Variants in PPFIA2 observed in about 807,000 individuals in gnomAD.
PPFIA2 encodes PPFI scaffold protein A2, also known as liprin-alpha-2.
A neutral mutation model predicts 175.5 loss-of-function variants in PPFIA2; 46 were observed. That is an observed-to-expected ratio of 0.26 (90% CI 0.21 to 0.34). PPFIA2 has a LOEUF of 0.34. Among genes scored for constraint, PPFIA2 ranks in the 10% least tolerant of loss-of-function variants. The pLI is 1.00. For synonymous variants in PPFIA2, 568 were observed against 511.4 expected (o/e 1.11, Z -1.49); for missense variants, 1,179 against 1,506.1 (o/e 0.78, Z 3.60).
intron 3 of PPFIA2, among the ~76,000 whole-genome samples, chr12:81,739,214 A>ATGTTTTT (rs2082030313): frequency 6.6e-6 from 1 of 152,054 alleles, no homozygotes; most frequent in Non-Finnish European, 1.5e-5. Context: ...CATTTTTAAA[A>ATGTTTTT]AAACAAATTA....
intron 3 of PPFIA2, among the ~76,000 whole-genome samples, chr12:81,741,374 G>A (rs998833976): frequency 6.6e-6 from 1 of 152,032 alleles, no homozygotes; most frequent in Non-Finnish European, 1.5e-5. Flanking sequence ...TGCTAAACAA[G>A]CATAGAGTAG....
At chr12:81,693,018 G>A (rs188808942) in intron 3 of PPFIA2, among the ~76,000 whole-genome samples, 7 of 152,050 alleles carry the variant, frequency 4.6e-5, no homozygotes, top group Admixed American at 3.9e-4. Flanking sequence ...CACAGTAGAT[G>A]ATTTATACTT....
chr12:81,714,958 G>A (rs2078407150), intron 3 of PPFIA2, among the ~76,000 whole-genome samples: 1 of 150,974 alleles, frequency 6.6e-6, no homozygotes, highest in South Asian at 2.1e-4. Flanking sequence ...AGGAGGTAGT[G>A]GTAGAGGATT....
At chr12:81,427,584 T>A (rs950859538) in intron 7 of PPFIA2, among the ~76,000 whole-genome samples, 2 of 152,010 alleles carry the variant, frequency 1.3e-5, no homozygotes, top group African/African-American at 4.8e-5. Flanking sequence ...ATTTGTTTAT[T>A]CACAAGAAGA....
intron 4 of PPFIA2, among the ~76,000 whole-genome samples, chr12:81,530,869 C>T (rs756435523): frequency 9.5e-4 from 145 of 151,874 alleles, no homozygotes; most frequent in South Asian, 1.0e-3. Flanking sequence ...AGAAGTCAGG[C>T]TCGTGATTGA....
At chr12:81,553,155 G>A (rs187136446) in intron 4 of PPFIA2, among the ~76,000 whole-genome samples, 6 of 151,996 alleles carry the variant, frequency 3.9e-5, no homozygotes, top group East Asian at 1.9e-4. Flanking sequence ...TATCTTAGGC[G>A]AGCTGTAATC....
chr12:81,286,203 A>G (rs923059246), intron 24 of PPFIA2, among the ~76,000 whole-genome samples: 4 of 152,086 alleles, frequency 2.6e-5, no homozygotes, highest in African/African-American at 9.7e-5. Flanking sequence ...TTTTAAAAAG[A>G]GTCAAAAGTT....
At chr12:81,284,416 T>C in intron 24 of PPFIA2, 113 bp from the exon 25 acceptor site, 1 of 763,944 alleles carries the variant, frequency 1.3e-6, no homozygotes, top group Non-Finnish European at 2.3e-6. Context: ...CACAGTGCCC[T>C]TGCCCCTACC....
intron 30 of PPFIA2, among the ~76,000 whole-genome samples, chr12:81,266,555 A>C (rs548469473): frequency 3.3e-4 from 51 of 152,288 alleles, no homozygotes; most frequent in African/African-American, 1.2e-3. Context: ...CCTCATTTTA[A>C]TTTTCTAAAA....
chr12:81,384,616 AT>A, intron 8 of PPFIA2, among the ~76,000 whole-genome samples: 1 of 152,092 alleles, frequency 6.6e-6, no homozygotes, highest in Admixed American at 6.6e-5. Flanking sequence ...ACCATACATT[AT>A]TTTTAATTAA....
chr12:81,589,816 T>C (rs2058465870), intron 4 of PPFIA2, among the ~76,000 whole-genome samples: 1 of 152,124 alleles, frequency 6.6e-6, no homozygotes, highest in South Asian at 2.1e-4. Context: ...TGCATTTTTT[T>C]TAAAAGCTAC....
intron 4 of PPFIA2, among the ~76,000 whole-genome samples, chr12:81,641,980 T>C (rs906791361): frequency 2.0e-5 from 3 of 152,156 alleles, no homozygotes; most frequent in Non-Finnish European, 4.4e-5. Flanking sequence ...CATTCATGTG[T>C]TACTGATTAA....
intron 30 of PPFIA2, among the ~76,000 whole-genome samples, chr12:81,264,305 G>A (rs10778807): frequency 0.69 from 104,800 of 152,016 alleles, 36,583 homozygotes; most frequent in Non-Finnish European, 0.76. Context: ...TTCTCTTTGT[G>A]TACATAAAGT....
At chr12:81,596,787 G>A (rs910148888) in intron 4 of PPFIA2, among the ~76,000 whole-genome samples, 5 of 152,010 alleles carry the variant, frequency 3.3e-5, no homozygotes, top group African/African-American at 1.2e-4. Context: ...TTGAATCACT[G>A]CCACAATAAG....
At chr12:81,461,734 T>C (rs2054570912) in intron 4 of PPFIA2, among the ~76,000 whole-genome samples, 1 of 152,096 alleles carries the variant, frequency 6.6e-6, no homozygotes, top group South Asian at 2.1e-4. Flanking sequence ...TTTCCATTTC[T>C]ACCTTTTCAT....
chr12:81,441,897 CT>C (rs2050239534), intron 6 of PPFIA2, among the ~76,000 whole-genome samples: 1 of 152,054 alleles, frequency 6.6e-6, no homozygotes, highest in Non-Finnish European at 1.5e-5. Flanking sequence ...CACACTTAAG[CT>C]GCTGTAGAGA....
chr12:81,294,553 A>G (rs1280896589), intron 24 of PPFIA2: 1 of 314,588 alleles, frequency 3.2e-6, no homozygotes, highest in South Asian at 5.5e-5. Context: ...AAGGAATTGA[A>G]AAAAGAGTAA....
intron 29 of PPFIA2, 63 bp downstream of exon 29, chr12:81,267,848 TA>T: frequency 1.4e-6 from 2 of 1,453,536 alleles, no homozygotes; most frequent in Non-Finnish European, 1.8e-6. Flanking sequence ...AATTTTTTTC[TA>T]AAAGTTTAGT....
intron 4 of PPFIA2, among the ~76,000 whole-genome samples, chr12:81,636,640 TGAAA>T (rs1361959553): frequency 6.6e-6 from 1 of 151,576 alleles, no homozygotes; most frequent in Non-Finnish European, 1.5e-5. Flanking sequence ...ATCCTTAGAA[TGAAA>T]TTTTGGTTTG....
Sources: gnomAD v4.1 joint callset for allele counts (sites outside exome capture counted in the v4.1 genomes callset) on GRCh38, gnomAD v4.1.1 for gene constraint, MANE v1.5 for transcripts, NCBI Gene and HGNC (gene_info 2026-07-23, HGNC 2026-07-21) for gene names.